Variants in CUX1 observed in about 807,000 individuals in gnomAD.
The protein encoded by CUX1 is cut like homeobox 1, also known as protein CASP.
A neutral mutation model predicts 158.8 loss-of-function variants in CUX1; 31 were observed. The observed-to-expected ratio is 0.20, with a 90% CI of 0.15 to 0.26. The LOEUF is 0.26. CUX1 is among the 10% of genes least tolerant of loss of function. The pLI is 1.00. For synonymous variants in CUX1, 879 were observed against 862.1 expected (o/e 1.02, Z -0.34); for missense variants, 1,589 against 2,014.6 (o/e 0.79, Z 4.04).
intron 3 of CUX1, among the ~76,000 whole-genome samples, chr7:102,067,755 G>C (rs1221786448): frequency 6.6e-6 from 1 of 151,838 alleles, no homozygotes; most frequent in Non-Finnish European, 1.5e-5. Context: ...AATAGTCCTT[G>C]TAGGCAAGGC....
intron 21 of CUX1, chr7:102,281,991 C>A: frequency 1.8e-6 from 2 of 1,098,566 alleles, no homozygotes; most frequent in Non-Finnish European, 2.8e-6. Flanking sequence ...GCAGCAGGGG[C>A]CTGTTACGGT....
intron 8 of CUX1, among the ~76,000 whole-genome samples, chr7:102,156,856 A>C (rs1169523693): frequency 6.6e-6 from 1 of 152,206 alleles, no homozygotes; most frequent in Non-Finnish European, 1.5e-5. Context: ...ATATAGGGCA[A>C]AAGGGACCTA....
chr7:102,019,194 C>T (rs1026081160), intron 2 of CUX1, among the ~76,000 whole-genome samples: 3 of 152,058 alleles, frequency 2.0e-5, no homozygotes, highest in Admixed American at 2.0e-4. Flanking sequence ...GCGCCCCCCT[C>T]CCACCCCACT....
chr7:102,044,137 C>T (rs1401444727), intron 3 of CUX1, among the ~76,000 whole-genome samples: 24 of 151,968 alleles, frequency 1.6e-4, no homozygotes, highest in African/African-American at 3.9e-4. Flanking sequence ...TGAGCCACTG[C>T]GCCAGGCCTT....
At chr7:102,159,541 C>T (rs1321294540) in intron 9 of CUX1, among the ~76,000 whole-genome samples, 1 of 152,224 alleles carries the variant, frequency 6.6e-6, no homozygotes, top group East Asian at 1.9e-4. Flanking sequence ...TTTGCTTTAG[C>T]TGGTGCTGCT....
chr7:101,845,142 ATCTC>A (rs34863822), intron 1 of CUX1, among the ~76,000 whole-genome samples: 46 of 150,016 alleles, frequency 3.1e-4, no homozygotes, highest in Non-Finnish European at 5.3e-4. Flanking sequence ...TCTGTTGTCC[ATCTC>A]TCTCTCTCTC....
At chr7:101,930,744 C>A (rs1806192647) in intron 2 of CUX1, among the ~76,000 whole-genome samples, 1 of 152,102 alleles carries the variant, frequency 6.6e-6, no homozygotes, top group Non-Finnish European at 1.5e-5. Context: ...TCTGACTTGG[C>A]CACTTAATGA....
Position 102,148,764 on chromosome 7 carries a change from A to G in CUX1, c.675-9796A>G, listed in dbSNP as rs1027473497. Reference sequence around the variant, plus strand: ...AACATGAGTAAGTTCTTGAGTGGTGATTTGTGAGATTTAGGTGCACCCATC... The same window carrying G: ...AACATGAGTAAGTTCTTGAGTGGTGGTTTGTGAGATTTAGGTGCACCCATC... On this transcript the variant is annotated intron_variant, in intron 8 of 23. Transcript: ENST00000292535. Among the ~76,000 whole-genome samples, 10 of 150,366 alleles carry G rather than the reference A, an allele frequency of 6.7e-5. No homozygotes were observed. The East Asian group carries it at 9.7e-4, about 15-fold the overall frequency.
rs1430497799 is a variant in CUX1 at position 101,916,100 on chromosome 7, C to T, written c.31-15C>T. ...CAATTACAATCTCACTTTTCCTTTC[C>T]TGTTTCCCCAACAGAGAGAACTCGA... is the stretch of plus-strand genomic sequence containing the variant. On this transcript the variant is annotated splice_polypyrimidine_tract_variant and intron_variant, in intron 1 of 23. Transcript: ENST00000292535. This position sits in a 1 kb window ranked among gnomAD's most constrained non-coding sequence, Gnocchi z 4.4. The T allele has an allele frequency of 6.3e-7, 1 of 1,587,296 alleles. No homozygotes were observed. The highest frequency in any genetic ancestry group is 8.7e-7 in the Non-Finnish European group (1 of 1,155,844).
At chr7:102,119,993 A>C (rs1209105221) in intron 8 of CUX1, among the ~76,000 whole-genome samples, 2 of 152,170 alleles carry the variant, frequency 1.3e-5, no homozygotes, top group Non-Finnish European at 2.9e-5. Context: ...TGTGGATTTT[A>C]ACATCTAAAC....
chr7:101,913,995 C>T (rs1054499884), intron 1 of CUX1, among the ~76,000 whole-genome samples: 1 of 151,950 alleles, frequency 6.6e-6, no homozygotes, highest in Non-Finnish European at 1.5e-5. Flanking sequence ...CCTTCTGCTT[C>T]GCTGTGACTG....
At chr7:101,863,991 A>G (rs1354706769) in intron 1 of CUX1, among the ~76,000 whole-genome samples, 3 of 152,130 alleles carry the variant, frequency 2.0e-5, no homozygotes, top group African/African-American at 7.2e-5. Flanking sequence ...CTGTGGTGAC[A>G]CTGTGTGAAC....
intron 2 of CUX1, among the ~76,000 whole-genome samples, chr7:101,991,276 A>G (rs1334412517): frequency 1.3e-5 from 2 of 152,256 alleles, no homozygotes; most frequent in Non-Finnish European, 2.9e-5. Context: ...CGTGGGCAGC[A>G]TAGCGGATGA....
At chr7:102,282,887 GC>G in intron 22 of CUX1, 2 of 933,960 alleles carry the variant, frequency 2.1e-6, no homozygotes, top group South Asian at 1.5e-5. Context: ...CTCCATCACA[GC>G]CCCCCATTCT....
At chr7:101,885,041 A>G (rs1010147764) in intron 1 of CUX1, among the ~76,000 whole-genome samples, 2 of 152,064 alleles carry the variant, frequency 1.3e-5, no homozygotes, top group African/African-American at 2.4e-5. Flanking sequence ...TGTAGTGCCT[A>G]TTTCTGTGAT....
At chr7:102,282,277 C>T (rs1055916758) in intron 21 of CUX1, among the ~76,000 whole-genome samples, 4 of 152,168 alleles carry the variant, frequency 2.6e-5, no homozygotes, top group African/African-American at 9.7e-5. Context: ...AGAGAAGGGG[C>T]GTCTTGAACT....
intron 8 of CUX1, among the ~76,000 whole-genome samples, chr7:102,123,100 G>T (rs1050264983): frequency 6.6e-6 from 1 of 151,986 alleles, no homozygotes; most frequent in African/African-American, 2.4e-5. Context: ...GTGTGGTGGC[G>T]CATGCCTGTA....
intron 9 of CUX1, among the ~76,000 whole-genome samples, chr7:102,167,711 A>G (rs1012602599): frequency 1.3e-5 from 2 of 152,220 alleles, no homozygotes; most frequent in Non-Finnish European, 2.9e-5. Flanking sequence ...ATCATCAGAA[A>G]CACTTGGCAT....
chr7:101,818,169 A>G (rs1792088716), intron 1 of CUX1, among the ~76,000 whole-genome samples: 1 of 152,216 alleles, frequency 6.6e-6, no homozygotes, highest in Non-Finnish European at 1.5e-5. Flanking sequence ...ATTGACTAAA[A>G]TAGATTACTC....
Sources: allele counts gnomAD v4.1 joint callset (sites outside exome capture counted in the v4.1 genomes callset), GRCh38; gene constraint gnomAD v4.1.1; non-coding constraint Gnocchi (gnomAD v3.1); transcripts MANE v1.5; gene names NCBI Gene and HGNC (gene_info 2026-07-23, HGNC 2026-07-21).